The following DDX60 variants were observed in gnomAD, a reference collection of about 807,000 sequenced individuals.
The protein encoded by DDX60 is probable ATP-dependent RNA helicase DDX60.
A neutral mutation model predicts 212.8 loss-of-function variants in DDX60; 165 were observed. The observed-to-expected ratio is 0.78, with a 90% CI of 0.68 to 0.88. The LOEUF (loss-of-function observed/expected upper bound fraction) is 0.88. Ranked by LOEUF, DDX60 falls within the 40% of genes least tolerant of loss-of-function variation. The pLI, the probability that DDX60 is intolerant of heterozygous loss-of-function variation, is 0.00. For missense variants in DDX60, 1,905 were observed against 2,003.9 expected (o/e 0.95, Z 0.94); for synonymous variants, 703 against 685.3 (o/e 1.03, Z -0.40).
intron 37 of DDX60, among the ~76,000 whole-genome samples, chr4:168,218,056 G>A (rs554899156): frequency 1.3e-5 from 2 of 152,162 alleles, no homozygotes; most frequent in South Asian, 4.1e-4. Flanking sequence ...GACTGATCAA[G>A]GGCTGAAAAC....
upstream of DDX60, among the ~76,000 whole-genome samples, chr4:168,319,712 A>C (rs776618755): frequency 6.6e-6 from 1 of 152,122 alleles, no homozygotes; most frequent in African/African-American, 2.4e-5. Context: ...ATAAATATGC[A>C]TTCATATATT....
chr4:168,322,295 A>G (rs1159652724), upstream of DDX60, among the ~76,000 whole-genome samples: 1 of 152,196 alleles, frequency 6.6e-6, no homozygotes, highest in Non-Finnish European at 1.5e-5. Context: ...CAGAATCATC[A>G]CATAACTACT....
At chr4:168,251,708 A>G (rs1303959771) in intron 27 of DDX60, among the ~76,000 whole-genome samples, 1 of 152,240 alleles carries the variant, frequency 6.6e-6, no homozygotes, top group Non-Finnish European at 1.5e-5. Context: ...TCAAGTATTC[A>G]TTAAAATGAT....
intron 15 of DDX60, 68 bp downstream of exon 15, chr4:168,275,947 C>A: frequency 7.6e-7 from 1 of 1,324,384 alleles, no homozygotes; most frequent in South Asian, 2.0e-5. Flanking sequence ...AGATGACTAT[C>A]TTTGCAAAAC....
At chr4:168,261,956 A>ATT (rs943403045) in intron 24 of DDX60, 44 bp downstream of exon 24, 1 of 1,564,262 alleles carries the variant, frequency 6.4e-7, no homozygotes, top group Non-Finnish European at 8.6e-7. Flanking sequence ...TAACTCAAGA[A>ATT]AACAACAAAA....
chr4:168,240,878 G>T (rs1733812713), intron 30 of DDX60, among the ~76,000 whole-genome samples: 1 of 152,110 alleles, frequency 6.6e-6, no homozygotes, highest in Non-Finnish European at 1.5e-5. Flanking sequence ...ACATCGGCAT[G>T]GGCAATATTT....
intron 5 of DDX60, among the ~76,000 whole-genome samples, chr4:168,304,745 GTGTT>G (rs1466098679): frequency 6.6e-6 from 1 of 152,156 alleles, no homozygotes; most frequent in African/African-American, 2.4e-5. Flanking sequence ...GTTGTATAAT[GTGTT>G]TGTACAGCTG....
At chr4:168,258,061 G>T (rs1734484957) in intron 25 of DDX60, among the ~76,000 whole-genome samples, 1 of 152,208 alleles carries the variant, frequency 6.6e-6, no homozygotes, top group South Asian at 2.1e-4. Flanking sequence ...GTTTATCTCA[G>T]CCATGCAAGC....
At chr4:168,291,638 G>T in intron 8 of DDX60, 110 bp downstream of exon 8, 1 of 946,126 alleles carries the variant, frequency 1.1e-6, no homozygotes, top group East Asian at 3.0e-5. Flanking sequence ...AACTTTTATA[G>T]CCCCCAAGGG....
upstream of DDX60, among the ~76,000 whole-genome samples, chr4:168,320,682 A>C (rs1348698083): frequency 6.6e-6 from 1 of 152,224 alleles, no homozygotes; most frequent in Non-Finnish European, 1.5e-5. Context: ...CAAACAGCAG[A>C]AATAATGGAT....
intron 14 of DDX60, among the ~76,000 whole-genome samples, chr4:168,277,792 G>C (rs1735410567): frequency 7.6e-6 from 1 of 132,204 alleles, no homozygotes; most frequent in South Asian, 2.4e-4. Context: ...CTGAGCGAAA[G>C]AGCGAGACTC....
upstream of DDX60, among the ~76,000 whole-genome samples, chr4:168,319,149 C>T (rs74395103): frequency 2.0e-5 from 3 of 151,748 alleles, no homozygotes; most frequent in African/African-American, 4.8e-5. Flanking sequence ...TGTATTGAAA[C>T]GTCACATTGT....
At chr4:168,258,037 A>G (rs1292118919) in intron 25 of DDX60, among the ~76,000 whole-genome samples, 3 of 152,202 alleles carry the variant, frequency 2.0e-5, no homozygotes, top group Non-Finnish European at 4.4e-5. Context: ...TTATTTTAGA[A>G]AGTCCTTGAG....
At chr4:168,269,922 C>T (rs1315255564) in intron 19 of DDX60, among the ~76,000 whole-genome samples, 1 of 152,138 alleles carries the variant, frequency 6.6e-6, no homozygotes, top group Non-Finnish European at 1.5e-5. Context: ...CAATGCCACT[C>T]CATAAAAAAG....
At chr4:168,273,226 T>C (rs988288903) in intron 18 of DDX60, 53 bp downstream of exon 18, 1 of 1,543,750 alleles carries the variant, frequency 6.5e-7, no homozygotes, top group Non-Finnish European at 8.8e-7. Flanking sequence ...CAAAGAGACA[T>C]ACAAGTACAG....
Position 168,276,185 on chromosome 4 carries a change from G to A in DDX60, c.1979-4C>T. On this transcript the variant is annotated splice_region_variant and splice_polypyrimidine_tract_variant and intron_variant, in intron 14 of 37. Coordinates refer to ENST00000393743, the MANE Select transcript of DDX60 (RefSeq NM_017631.6). ...CTTAAATCTTTCGTGGTTTTACCTT[G>A]ATAAACAATAAACAATAAAATTGTT... is the stretch of plus-strand genomic sequence containing the variant. 6.3e-7 allele frequency: 1 copy of A among 1,590,370 alleles called. No homozygotes were observed. The highest frequency in any genetic ancestry group is 1.1e-5 in the South Asian group (1 of 87,856).
intron 28 of DDX60, among the ~76,000 whole-genome samples, chr4:168,249,803 C>T (rs1261518317): frequency 6.6e-6 from 1 of 151,964 alleles, no homozygotes; most frequent in Non-Finnish European, 1.5e-5. Context: ...GTTGCAAATG[C>T]TACATCTTAT....
At position 168,224,228 on chromosome 4, in the gene DDX60, C is replaced by T; in HGVS notation, c.4824+15G>A. 2 of 1,611,476 alleles carry T rather than the reference C, an allele frequency of 1.2e-6. No individual in the cohort carries two copies. The highest frequency in any genetic ancestry group is 1.7e-6 in the Non-Finnish European group (2 of 1,178,384). On this transcript the variant is annotated intron_variant, in intron 35 of 37. Transcript: ENST00000393743. ...CTTAAACAGCTTTTATTAATAAACC[C>T]CACTCTTCACTTACATGGTTTGGAG...
At position 168,297,353 on chromosome 4, in the gene DDX60, A is replaced by G. The variant is rs1054228321; in HGVS notation, c.724-3408T>C. Among the ~76,000 whole-genome samples the G allele has an allele frequency of 1.6e-3, 127 of 78,248 alleles. 1 individual carries two copies. The highest frequency in any genetic ancestry group is 0.013 in the Middle Eastern group (2 of 160). The allele number at this position is 78,248 out of a possible 152,430, so 51.3% of individuals were successfully genotyped here. On this transcript the variant is annotated intron_variant, in intron 6 of 37. Transcript: ENST00000393743. ...AAGAAAGAAAGAAAGAAAGAAAGAAAGAAAGAAAGAAAGAAAGAAAGAAAG... is the reference window on the plus strand; with the variant it reads ...AAGAAAGAAAGAAAGAAAGAAAGAAGGAAAGAAAGAAAGAAAGAAAGAAAG...
Sources: gnomAD v4.1 joint callset for allele counts (sites outside exome capture counted in the v4.1 genomes callset) on GRCh38, gnomAD v4.1.1 for gene constraint, MANE v1.5 for transcripts, NCBI Gene and HGNC (gene_info 2026-07-23, HGNC 2026-07-21) for gene names.